PIAS2: variants seen among roughly 807,000 people sequenced by gnomAD.
PIAS2 encodes the protein protein inhibitor of activated STAT 2, also known as E3 SUMO-protein ligase PIAS2.
A neutral mutation model predicts 69.7 loss-of-function variants in PIAS2; 19 were observed. That is an observed-to-expected ratio of 0.27 (90% CI 0.19 to 0.40). The LOEUF (loss-of-function observed/expected upper bound fraction) is 0.40, where lower values mean the gene tolerates loss of function less well. PIAS2 is among the 10% of genes least tolerant of loss of function. The pLI is 1.00. For missense variants in PIAS2, 624 were observed against 757.0 expected (o/e 0.82, Z 2.06); for synonymous variants, 261 against 263.2 (o/e 0.99, Z 0.08).
At chr18:46,908,936 G>T (rs115333970) in intron 1 of PIAS2, among the ~76,000 whole-genome samples, 3 of 152,238 alleles carry the variant, frequency 2.0e-5, no homozygotes, top group Admixed American at 6.5e-5. Context: ...TTGAACCTTG[G>T]GGGTGGAGGG....
chr18:46,901,262 C>T, intron 1 of PIAS2: 1 of 413,160 alleles, frequency 2.4e-6, no homozygotes, highest in Non-Finnish European at 4.8e-6. Context: ...AAGAAAAATA[C>T]AAAATTAGCC....
At chr18:46,881,599 C>T (rs1302657029) in intron 2 of PIAS2, among the ~76,000 whole-genome samples, 1 of 152,194 alleles carries the variant, frequency 6.6e-6, no homozygotes, top group East Asian at 1.9e-4. Context: ...CTTCAAAGCT[C>T]CCTCAAGTCT....
Position 46,907,075 on chromosome 18 carries a change from C to T in PIAS2, c.24+10247G>A, listed in dbSNP as rs115001087. 6.3e-3 allele frequency among the ~76,000 whole-genome samples: 956 copies of T among 152,182 alleles called. 7 individuals carry two copies. Among genetic ancestry groups the T allele is most frequent in the African/African-American group, 0.022 (898 of 41,538 alleles). ...AAAGCTGAGTCTCTTGATGCCTTCC[C>T]CGGAGATATCTGCCAATGGAAAAGG... is the stretch of plus-strand genomic sequence containing the variant. On this transcript the variant is annotated intron_variant, in intron 1 of 13. Coordinates refer to ENST00000585916, the MANE Select transcript of PIAS2 (RefSeq NM_004671.5).
At chr18:46,867,075 T>C (rs1039814396) in intron 2 of PIAS2, among the ~76,000 whole-genome samples, 5 of 152,150 alleles carry the variant, frequency 3.3e-5, no homozygotes, top group Non-Finnish European at 5.9e-5. Context: ...TGTACTTACA[T>C]GTTGCACATA....
chr18:46,848,127 A>G (rs527713104), intron 5 of PIAS2, among the ~76,000 whole-genome samples: 21 of 152,320 alleles, frequency 1.4e-4, no homozygotes, highest in Non-Finnish European at 3.1e-4. Context: ...ATTTTTCCAC[A>G]TGACACTCTC....
Position 46,812,461 on chromosome 18 carries a change from T to C in PIAS2, c.1838A>G (p.Asn613Ser). The part of the protein sequence containing the change: ...ETGVITSSGS[N>S]IPDIISLD ...GTCCAATGAGATGATGTCAGGAATGTTACTTCCACTGCTGGTTATGACCCC... is the reference window on the plus strand; with the variant it reads ...GTCCAATGAGATGATGTCAGGAATGCTACTTCCACTGCTGGTTATGACCCC... Residue 613 changes from asparagine (N) to serine (S), a missense_variant, in exon 14 of 14, where the codon AAC becomes AGC. Physicochemically the swap from Asn to Ser is conservative, Grantham distance 46. Transcript: ENST00000585916. 1.9e-6 allele frequency: 3 copies of C among 1,612,244 alleles called. No individual in the cohort carries two copies. The highest frequency in any genetic ancestry group is 2.5e-6 in the Non-Finnish European group (3 of 1,178,766).
chr18:46,821,000 A>AGG lies in PIAS2; in HGVS notation c.1579_1580dup (p.Ser528LeufsTer3). ...ATGGTACTGAGTAGTCTGTTAATGA[A>AGG]GGCGGAATAGCAGCAGGATCAACCG... On this transcript the variant is annotated frameshift_variant, in exon 12 of 14. Coordinates refer to ENST00000585916, the MANE Select transcript of PIAS2 (RefSeq NM_004671.5). LOFTEE classifies it high-confidence loss of function. 6.2e-7 allele frequency: 1 copy of AGG among 1,613,568 alleles called. No homozygotes were observed. Among genetic ancestry groups the AGG allele is most frequent in the Non-Finnish European group, 8.5e-7 (1 of 1,179,584 alleles).
chr18:46,916,041 T>A (rs2146363673), intron 1 of PIAS2, among the ~76,000 whole-genome samples: 1 of 152,312 alleles, frequency 6.6e-6, no homozygotes, highest in South Asian at 2.1e-4. Context: ...ACCCTTTACC[T>A]ACACTTATGG....
chr18:46,822,629 T>C (rs1040202976), intron 11 of PIAS2, among the ~76,000 whole-genome samples: 1 of 152,302 alleles, frequency 6.6e-6, no homozygotes. Flanking sequence ...GCTCATCTTT[T>C]CTGGAGGTTT....
At chr18:46,843,476 G>A (rs2045719312) in intron 8 of PIAS2, among the ~76,000 whole-genome samples, 1 of 152,114 alleles carries the variant, frequency 6.6e-6, no homozygotes, top group Admixed American at 6.5e-5. Flanking sequence ...CCATTTTTAT[G>A]GGAGTTGGTT....
At chr18:46,846,531 T>C in intron 6 of PIAS2, 176 bp downstream of exon 6, 1 of 482,116 alleles carries the variant, frequency 2.1e-6, no homozygotes, top group Non-Finnish European at 3.5e-6. Flanking sequence ...AAGCTCAGAG[T>C]TAAAGTTTTT....
intron 12 of PIAS2, chr18:46,818,577 C>T: frequency 1.3e-6 from 1 of 768,296 alleles, no homozygotes; most frequent in South Asian, 5.9e-5. Flanking sequence ...TTTATCAATA[C>T]CAAAACTCTT....
intron 9 of PIAS2, among the ~76,000 whole-genome samples, chr18:46,835,933 A>C (rs1463503624): frequency 6.6e-6 from 1 of 152,252 alleles, no homozygotes; most frequent in Non-Finnish European, 1.5e-5. Flanking sequence ...TTTGGACTCC[A>C]GAGTCAGAAA....
chr18:46,916,804 G>GA (rs1259436407), intron 1 of PIAS2: 31 of 985,150 alleles, frequency 3.1e-5, no homozygotes, highest in Non-Finnish European at 3.4e-5. Flanking sequence ...AAGGGTGGGA[G>GA]AAGGGGCCTT....
In PIAS2 at chr18:46,808,184, CACTGAGAATGATGAA is replaced by C. The variant is rs1359031106; in HGVS notation, c.*4234_*4248del. Reference sequence around the variant, plus strand: ...GGGAAAAACCCCAAGATATAAATTACACTGAGAATGATGAAACTAAGTAAAAATATGCAGAAGTAG... The same window carrying C: ...GGGAAAAACCCCAAGATATAAATTACACTAAGTAAAAATATGCAGAAGTAG... On this transcript the variant is annotated 3_prime_UTR_variant, in exon 14 of 14. Coordinates refer to ENST00000585916, the MANE Select transcript of PIAS2 (RefSeq NM_004671.5). 1 of 152,274 alleles carries C rather than the reference CACTGAGAATGATGAA, an allele frequency of 6.6e-6. No homozygotes were observed. The highest frequency in any genetic ancestry group is 2.4e-5 in the African/African-American group (1 of 41,560). The allele number at this position is 152,274 out of a possible 1,614,324, so 9.4% of individuals were successfully genotyped here. A position where few individuals can be genotyped will look rare whatever the true frequency, so the allele number is the denominator to read the frequency against.
At chr18:46,831,590 T>G (rs556530498) in intron 9 of PIAS2, among the ~76,000 whole-genome samples, 1 of 152,298 alleles carries the variant, frequency 6.6e-6, no homozygotes, top group South Asian at 2.1e-4. Context: ...CTACCTGACT[T>G]CCAGCAAATG....
intron 11 of PIAS2, among the ~76,000 whole-genome samples, chr18:46,823,257 G>A (rs989627782): frequency 1.3e-5 from 2 of 151,584 alleles, no homozygotes; most frequent in African/African-American, 4.8e-5. Flanking sequence ...TTAACCTATC[G>A]TGTTTTTTTT....
In PIAS2 at chr18:46,805,581, G is replaced by C. The variant is rs1308395993; in HGVS notation, c.*6852C>G. Reference sequence around the variant, plus strand: ...CAACCACTGTATCTTGAGATATGTAGAATGTGAACACAGCCCACGCTGGTG... The same window carrying C: ...CAACCACTGTATCTTGAGATATGTACAATGTGAACACAGCCCACGCTGGTG... On this transcript the variant is annotated 3_prime_UTR_variant, in exon 14 of 14. Coordinates refer to ENST00000585916, the MANE Select transcript of PIAS2 (RefSeq NM_004671.5). 1 of 152,240 alleles carries C rather than the reference G, an allele frequency of 6.6e-6. No individual in the cohort carries two copies. The highest frequency in any genetic ancestry group is 2.4e-5 in the African/African-American group (1 of 41,454). 9.4% of individuals were successfully genotyped at this position (152,240 alleles called of 1,614,324 possible).
At position 46,808,099 on chromosome 18, in the gene PIAS2, C is replaced by T. The variant is rs2040799711; in HGVS notation, c.*4334G>A. The T allele has an allele frequency of 6.6e-6, 1 of 152,090 alleles. No homozygotes were observed. The highest frequency in any genetic ancestry group is 6.6e-5 in the Admixed American group (1 of 15,262). 9.4% of individuals were successfully genotyped at this position (152,090 alleles called of 1,614,324 possible). A position where few individuals can be genotyped will look rare whatever the true frequency, so the allele number is the denominator to read the frequency against. ...TGGCACATCCATAACAATGGAGTAC[C>T]ATAAAATTAATAATAGTTGACACAG... On this transcript the variant is annotated 3_prime_UTR_variant, in exon 14 of 14. Coordinates refer to ENST00000585916, the MANE Select transcript of PIAS2 (RefSeq NM_004671.5).
Sources: allele counts gnomAD v4.1 joint callset (sites outside exome capture counted in the v4.1 genomes callset), GRCh38; gene constraint gnomAD v4.1.1; transcripts MANE v1.5; gene names NCBI Gene and HGNC (gene_info 2026-07-23, HGNC 2026-07-21).